Variants in MGLL observed in about 807,000 individuals in gnomAD.
The protein encoded by MGLL is monoglyceride lipase.
A neutral mutation model predicts 29.1 loss-of-function variants in MGLL; 7 were observed. The ratio of observed to expected loss-of-function variants is 0.24; its 90% CI spans 0.14 to 0.45. The LOEUF (loss-of-function observed/expected upper bound fraction) is 0.45, where lower values mean the gene tolerates loss of function less well. Among genes scored for constraint, MGLL ranks in the 20% least tolerant of loss-of-function variants. The pLI is 0.99. For missense variants in MGLL, 356 were observed against 413.6 expected (o/e 0.86, Z 1.21); for synonymous variants, 148 against 168.3 (o/e 0.88, Z 0.93).
intron 2 of MGLL, among the ~76,000 whole-genome samples, chr3:127,798,312 C>T (rs2077419826): frequency 6.6e-6 from 1 of 152,196 alleles, no homozygotes; most frequent in Non-Finnish European, 1.5e-5. Context: ...GAAGTGAATT[C>T]TTTGGGTGCC....
intron 1 of MGLL, chr3:127,822,087 T>G: frequency 3.0e-6 from 2 of 659,136 alleles, no homozygotes; most frequent in Non-Finnish European, 5.1e-6. Context: ...CCCCTTCCCA[T>G]CTGTGTTTAT....
At chr3:127,737,082 G>A (rs1481010037) in intron 3 of MGLL, among the ~76,000 whole-genome samples, 1 of 152,148 alleles carries the variant, frequency 6.6e-6, no homozygotes, top group African/African-American at 2.4e-5. Flanking sequence ...CAGTAGCACT[G>A]TATCCTGGAG....
At chr3:127,758,925 C>CTTTTT (rs55756082) in intron 3 of MGLL, among the ~76,000 whole-genome samples, 1 of 100,856 alleles carries the variant, frequency 9.9e-6, no homozygotes, top group African/African-American at 3.6e-5. Flanking sequence ...CTTTTCTTTT[C>CTTTTT]TTTTTTTTTT....
chr3:127,707,346 T>C (rs1190030802), intron 6 of MGLL, among the ~76,000 whole-genome samples: 2 of 152,166 alleles, frequency 1.3e-5, no homozygotes, highest in Non-Finnish European at 2.9e-5. Flanking sequence ...CAACCTCTCC[T>C]CCTCACCTCC....
At chr3:127,781,274 G>A (rs2077120459) in intron 3 of MGLL, among the ~76,000 whole-genome samples, 1 of 152,194 alleles carries the variant, frequency 6.6e-6, no homozygotes, top group African/African-American at 2.4e-5. Context: ...GTGCAAATGT[G>A]TGTATGACTA....
intron 3 of MGLL, among the ~76,000 whole-genome samples, chr3:127,753,929 C>T (rs1299148077): frequency 1.3e-5 from 2 of 152,222 alleles, no homozygotes; most frequent in South Asian, 2.1e-4. Context: ...GCATGGGAGG[C>T]ACCAGGTGTA....
chr3:127,782,760 G>A (rs960619893), intron 2 of MGLL, among the ~76,000 whole-genome samples: 1 of 152,172 alleles, frequency 6.6e-6, no homozygotes, highest in Non-Finnish European at 1.5e-5. Context: ...GGAAAGAGGA[G>A]GAGGAGAACA....
intron 2 of MGLL, among the ~76,000 whole-genome samples, chr3:127,804,020 T>A (rs943035630): frequency 2.0e-5 from 3 of 152,212 alleles, no homozygotes; most frequent in Non-Finnish European, 2.9e-5. Context: ...TTCTACTTCT[T>A]GTGTTACAAT....
intron 2 of MGLL, among the ~76,000 whole-genome samples, chr3:127,786,041 C>T (rs2077206672): frequency 6.6e-6 from 1 of 152,150 alleles, no homozygotes; most frequent in Admixed American, 6.5e-5. Context: ...GAAGGAAGGC[C>T]CCGAGTCCAG....
chr3:127,740,594 G>T (rs1389063247), intron 3 of MGLL, among the ~76,000 whole-genome samples: 2 of 152,210 alleles, frequency 1.3e-5, no homozygotes, highest in African/African-American at 4.8e-5. Flanking sequence ...TTCTGTGGGG[G>T]TTGTGCAGGG....
At chr3:127,753,674 C>T (rs182228270) in intron 3 of MGLL, among the ~76,000 whole-genome samples, 8 of 152,316 alleles carry the variant, frequency 5.3e-5, no homozygotes, top group Non-Finnish European at 1.0e-4. Context: ...TCACTTTCCT[C>T]GCTTAAAATG....
intron 6 of MGLL, among the ~76,000 whole-genome samples, chr3:127,705,379 A>T (rs565363623): frequency 4.6e-5 from 7 of 152,172 alleles, no homozygotes; most frequent in South Asian, 4.1e-4. Flanking sequence ...CCTGGAACTT[A>T]AAATTAAATT....
At chr3:127,694,407 A>G (rs936771330) in intron 7 of MGLL, among the ~76,000 whole-genome samples, 3 of 149,478 alleles carry the variant, frequency 2.0e-5, no homozygotes, top group African/African-American at 7.5e-5. Context: ...GTATGTGTGT[A>G]TATATATGTG....
intron 4 of MGLL, among the ~76,000 whole-genome samples, chr3:127,721,514 T>G (rs1394040525): frequency 6.7e-6 from 1 of 149,486 alleles, no homozygotes; most frequent in East Asian, 1.9e-4. Flanking sequence ...AGGGTTTTTT[T>G]TTTTTTTTTT....
At chr3:127,771,548 G>A (rs1266974965) in intron 3 of MGLL, among the ~76,000 whole-genome samples, 1 of 152,064 alleles carries the variant, frequency 6.6e-6, no homozygotes, top group Non-Finnish European at 1.5e-5. Flanking sequence ...AAGAGACAGG[G>A]TTTTGACATG....
chr3:127,805,197 G>C (rs1451247480), intron 2 of MGLL, among the ~76,000 whole-genome samples: 1 of 152,228 alleles, frequency 6.6e-6, no homozygotes, highest in Non-Finnish European at 1.5e-5. Flanking sequence ...AAGGAGAACA[G>C]CTTGAACTTT....
At chr3:127,810,431 T>C (rs1419265583) in intron 2 of MGLL, among the ~76,000 whole-genome samples, 1 of 152,222 alleles carries the variant, frequency 6.6e-6, no homozygotes, top group East Asian at 1.9e-4. Flanking sequence ...CAGAGCACAC[T>C]GTATCCTCTC....
chr3:127,704,725 A>G (rs2075565635), intron 6 of MGLL, among the ~76,000 whole-genome samples: 2 of 152,228 alleles, frequency 1.3e-5, no homozygotes, highest in South Asian at 2.1e-4. Flanking sequence ...GGTGATCATT[A>G]AAAAGTCAAG....
intron 2 of MGLL, among the ~76,000 whole-genome samples, chr3:127,818,949 G>A (rs1049993997): frequency 2.0e-5 from 3 of 152,106 alleles, no homozygotes; most frequent in Non-Finnish European, 2.9e-5. Context: ...TGTTATTACC[G>A]TAAACACTAC....
Sources: allele counts gnomAD v4.1 joint callset (sites outside exome capture counted in the v4.1 genomes callset), GRCh38; gene constraint gnomAD v4.1.1; transcripts MANE v1.5; gene names NCBI Gene and HGNC (gene_info 2026-07-23, HGNC 2026-07-21).